The following FSTL4 variants were observed in gnomAD, a reference collection of about 807,000 sequenced individuals.
FSTL4 encodes the protein follistatin like 4.
Under a neutral mutation model 78.2 loss-of-function variants are expected in FSTL4, and 28 were observed. The observed-to-expected ratio is 0.36, with a 90% CI of 0.27 to 0.49. The LOEUF (loss-of-function observed/expected upper bound fraction) is 0.49. Among genes scored for constraint, FSTL4 ranks in the 20% least tolerant of loss-of-function variants. The probability of loss-of-function intolerance (pLI) is 0.98; values close to 1 mark genes in which losing one functional copy is unlikely to be tolerated. For synonymous variants in FSTL4, 422 were observed against 440.5 expected, an observed-to-expected ratio of 0.96 and a Z score of 0.53; for missense variants, 922 against 1,084.9, an observed-to-expected ratio of 0.85 and a Z score of 2.11.
chr5:133,318,766 G>T (rs994539967), intron 4 of FSTL4, among the ~76,000 whole-genome samples: 2 of 152,248 alleles, frequency 1.3e-5, no homozygotes, highest in African/African-American at 4.8e-5. Context: ...TGGGTCAAAA[G>T]GGCAGGATGC....
chr5:133,570,746 T>A (rs1356544344), intron 2 of FSTL4, among the ~76,000 whole-genome samples: 3 of 152,082 alleles, frequency 2.0e-5, no homozygotes, highest in African/African-American at 7.2e-5. Flanking sequence ...TTTGAAGGCA[T>A]CCAACAGCAA....
intron 6 of FSTL4, among the ~76,000 whole-genome samples, chr5:133,302,579 G>A (rs1017536256): frequency 6.6e-6 from 1 of 152,194 alleles, no homozygotes. Context: ...GCTTGGCACT[G>A]TCCCGTGGAA....
chr5:133,695,501 T>C, the FSTL4 span, among the ~76,000 whole-genome samples: 2 of 152,168 alleles, frequency 1.3e-5, no homozygotes, highest in Non-Finnish European at 2.9e-5. Flanking sequence ...TACATAAACA[T>C]AGTTCCCACT....
intron 3 of FSTL4, among the ~76,000 whole-genome samples, chr5:133,462,209 GCC>G (rs1757607221): frequency 6.6e-6 from 1 of 152,186 alleles, no homozygotes; most frequent in South Asian, 2.1e-4. Context: ...GTCCCCTCTG[GCC>G]CCCCAGATGA....
rs139449923 is a variant in FSTL4, at chr5:133,362,011, T to C, written c.409+38727A>G. 6.3e-4 allele frequency among the ~76,000 whole-genome samples: 96 copies of C among 152,372 alleles called. 1 individual carries two copies. Among genetic ancestry groups the C allele is most frequent in the African/African-American group, 2.0e-3 (85 of 41,592 alleles). On this transcript the variant is annotated intron_variant, in intron 4 of 15. Transcript: ENST00000265342. ...TGTGCATGGCTTAATATACTTGGAA[T>C]TTCTCTGGGATACAACTACTATAAA...
At chr5:133,418,875 T>C (rs1172155229) in intron 3 of FSTL4, among the ~76,000 whole-genome samples, 1 of 152,234 alleles carries the variant, frequency 6.6e-6, no homozygotes, top group Non-Finnish European at 1.5e-5. Context: ...AGATTCCTCA[T>C]GCCGCTTTGT....
At chr5:133,580,097 C>A (rs1166746924) in intron 2 of FSTL4, among the ~76,000 whole-genome samples, 2 of 152,192 alleles carry the variant, frequency 1.3e-5, no homozygotes, top group Admixed American at 6.5e-5. Context: ...GACTTCCAAC[C>A]AGAAACTGTC....
At position 133,338,011 on chromosome 5, in the gene FSTL4, C is replaced by T. The variant is rs767680704; in HGVS notation, c.410-21359G>A. Among the ~76,000 whole-genome samples, 11 of 152,102 alleles carry T rather than the reference C, an allele frequency of 7.2e-5. No individual in the cohort carries two copies. The highest frequency in any genetic ancestry group is 1.2e-4 in the Non-Finnish European group (8 of 68,008). ...TGAGGGGGTTTGGGTGGTGAGTATG[C>T]GTGCGGAGGGCTTCTGGCAGGAGAG... On this transcript the variant is annotated intron_variant, in intron 4 of 15. Coordinates refer to ENST00000265342, the MANE Select transcript of FSTL4 (RefSeq NM_015082.2). This position sits in a 1 kb window ranked among gnomAD's most constrained non-coding sequence, Gnocchi z 4.0.
At chr5:133,796,011 C>T in the FSTL4 span, among the ~76,000 whole-genome samples, 1 of 152,174 alleles carries the variant, frequency 6.6e-6, no homozygotes, top group Admixed American at 6.5e-5. Context: ...CCTCTTTTCT[C>T]CCCTGGTCAC....
At chr5:133,490,133 GT>G (rs572818952) in intron 3 of FSTL4, among the ~76,000 whole-genome samples, 104 of 144,118 alleles carry the variant, frequency 7.2e-4, no homozygotes, top group Non-Finnish European at 7.2e-4. Context: ...TTGCCTCATT[GT>G]TTTTTTTTTT....
intron 3 of FSTL4, among the ~76,000 whole-genome samples, chr5:133,510,168 A>G (rs946024428): frequency 3.3e-5 from 5 of 152,194 alleles, no homozygotes; most frequent in African/African-American, 1.2e-4. Context: ...GTGATTAACT[A>G]ATTTGTCTAA....
At chr5:133,374,973 C>T (rs1755395154) in intron 4 of FSTL4, among the ~76,000 whole-genome samples, 1 of 152,092 alleles carries the variant, frequency 6.6e-6, no homozygotes, top group African/African-American at 2.4e-5. Flanking sequence ...CATGGGACCA[C>T]AGATCAGACA....
chr5:133,209,030 C>T (rs2126769705), intron 14 of FSTL4, among the ~76,000 whole-genome samples: 1 of 152,260 alleles, frequency 6.6e-6, no homozygotes, highest in East Asian at 1.9e-4. Flanking sequence ...TTTCTAGTGG[C>T]CCCTCCTCTT....
At chr5:133,579,003 C>G (rs1441442320) in intron 2 of FSTL4, among the ~76,000 whole-genome samples, 1 of 152,218 alleles carries the variant, frequency 6.6e-6, no homozygotes, top group African/African-American at 2.4e-5. Flanking sequence ...CAACAGTTAG[C>G]AGCATGGGGC....
the FSTL4 span, among the ~76,000 whole-genome samples, chr5:133,623,651 A>G: frequency 2.0e-5 from 3 of 152,104 alleles, no homozygotes; most frequent in Non-Finnish European, 4.4e-5. Context: ...GTTTGAGTTT[A>G]TCAAAATTTA....
chr5:133,298,970 G>T (rs185160806), intron 6 of FSTL4, among the ~76,000 whole-genome samples: 1 of 152,350 alleles, frequency 6.6e-6, no homozygotes, highest in East Asian at 1.9e-4. Context: ...TGCAGCCTGG[G>T]CATCTTGGTA....
chr5:133,667,206 T>C, the FSTL4 span, among the ~76,000 whole-genome samples: 3 of 145,254 alleles, frequency 2.1e-5, no homozygotes, highest in South Asian at 7.0e-4. Context: ...CTCTCATAAT[T>C]CACTTTCAAT....
At chr5:133,227,233 A>AGCCCTGGG (rs1416513536) in intron 8 of FSTL4, among the ~76,000 whole-genome samples, 2 of 152,212 alleles carry the variant, frequency 1.3e-5, no homozygotes, top group Non-Finnish European at 2.9e-5. Context: ...CTTTGTTTGA[A>AGCCCTGGG]GCCCTGGGGG....
rs553162362 is a variant in FSTL4 at position 133,448,279 on chromosome 5, T to G, written c.161-47293A>C. ...TGGCTTCTAGACTTCTCCCTGCACC[T>G]CTATTTTCCACAGGCCCAGGGACCG... On this transcript the variant is annotated intron_variant, in intron 3 of 15. Coordinates refer to ENST00000265342, the MANE Select transcript of FSTL4 (RefSeq NM_015082.2). 1.3e-3 allele frequency among the ~76,000 whole-genome samples: 204 copies of G among 152,300 alleles called. 1 individual carries two copies. Among genetic ancestry groups the G allele is most frequent in the South Asian group, 1.7e-3 (8 of 4,830 alleles).
Sources: gnomAD v4.1 joint callset for allele counts (sites outside exome capture counted in the v4.1 genomes callset) on GRCh38, gnomAD v4.1.1 for gene constraint, Gnocchi (gnomAD v3.1) non-coding constraint, MANE v1.5 for transcripts, NCBI Gene and HGNC (gene_info 2026-07-23, HGNC 2026-07-21) for gene names.